CDH19: variants seen among roughly 807,000 people sequenced by gnomAD.
CDH19 encodes cadherin 19, also known as cadherin-19.
A neutral mutation model predicts 64.2 loss-of-function variants in CDH19; 67 were observed. That is an observed-to-expected ratio of 1.04 (90% confidence interval 0.86 to 1.28). CDH19 has a LOEUF of 1.28. Ranked by LOEUF, CDH19 falls within the 50% of genes most tolerant of loss-of-function variation. The probability of loss-of-function intolerance (pLI) is 0.00; values close to 1 mark genes in which losing one functional copy is unlikely to be tolerated. For synonymous variants in CDH19, 346 were observed against 319.3 expected, an observed-to-expected ratio of 1.08 and a Z score of -0.89; for missense variants, 1,030 against 929.0, an observed-to-expected ratio of 1.11 and a Z score of -1.41.
chr18:66,556,897 T>C (rs2144531377), intron 3 of CDH19, among the ~76,000 whole-genome samples: 1 of 151,930 alleles, frequency 6.6e-6, no homozygotes, highest in Middle Eastern at 3.4e-3. Context: ...ATGTCTATTA[T>C]TAAAAAGACA....
intron 9 of CDH19, among the ~76,000 whole-genome samples, chr18:66,529,108 A>G (rs1372675262): frequency 6.6e-6 from 1 of 152,056 alleles, no homozygotes; most frequent in African/African-American, 2.4e-5. Context: ...TGAGCAGCAG[A>G]TAAGAAAGTG....
intron 7 of CDH19, among the ~76,000 whole-genome samples, chr18:66,536,321 G>T (rs997837049): frequency 3.3e-5 from 5 of 151,648 alleles, no homozygotes; most frequent in Admixed American, 2.0e-4. Context: ...GGACTCAATA[G>T]AAATCACGAG....
intron 9 of CDH19, among the ~76,000 whole-genome samples, chr18:66,514,284 C>A (rs993890480): frequency 1.1e-4 from 17 of 150,876 alleles, no homozygotes; most frequent in African/African-American, 4.1e-4. Flanking sequence ...AAAATGATAC[C>A]GTAAAAGACA....
At chr18:66,534,717 G>C (rs1986590349) in intron 8 of CDH19, among the ~76,000 whole-genome samples, 1 of 151,690 alleles carries the variant, frequency 6.6e-6, no homozygotes, top group Non-Finnish European at 1.5e-5. Flanking sequence ...CAGAATTTCA[G>C]GTGAATTTCA....
At chr18:66,533,494 G>A (rs1986536724) in intron 8 of CDH19, among the ~76,000 whole-genome samples, 1 of 151,926 alleles carries the variant, frequency 6.6e-6, no homozygotes, top group African/African-American at 2.4e-5. Flanking sequence ...TGAATAAACT[G>A]ACAGAAAATT....
At chr18:66,564,633 AT>A (rs550110530) in intron 3 of CDH19, among the ~76,000 whole-genome samples, 12 of 151,908 alleles carry the variant, frequency 7.9e-5, no homozygotes, top group Non-Finnish European at 1.3e-4. Flanking sequence ...TTCCTTTTGC[AT>A]TTGCACATAC....
At chr18:66,573,551 A>G (rs191736916) in intron 1 of CDH19, among the ~76,000 whole-genome samples, 15 of 151,808 alleles carry the variant, frequency 9.9e-5, no homozygotes, top group Non-Finnish European at 2.2e-4. Flanking sequence ...TCTGCTCTTT[A>G]GAAATTGCTA....
At position 66,523,429 on chromosome 18, in the gene CDH19, G is replaced by T. The variant is rs999051313; in HGVS notation, c.1458+6416C>A. ...CCAGCTTCAGCCCTCCTTGGAGGAG[G>T]TGCAGCTGCAGCATACCCTATGGAA... On this transcript the variant is annotated intron_variant, in intron 9 of 11. Coordinates refer to ENST00000262150, the MANE Select transcript of CDH19 (RefSeq NM_021153.4). Among the ~76,000 whole-genome samples the T allele has an allele frequency of 9.2e-5, 14 of 152,098 alleles. 1 individual carries two copies. The highest frequency in any genetic ancestry group is 2.9e-4 in the African/African-American group (12 of 41,428).
At chr18:66,542,400 T>C (rs1052270365) in intron 7 of CDH19, among the ~76,000 whole-genome samples, 1 of 152,094 alleles carries the variant, frequency 6.6e-6, no homozygotes, top group African/African-American at 2.4e-5. Flanking sequence ...GGAAAATAGG[T>C]GAGTAAGGAA....
In CDH19 at chr18:66,590,128, G is replaced by T. The variant is rs144921646; in HGVS notation, c.-113+13826C>A. 2.6e-5 allele frequency among the ~76,000 whole-genome samples: 4 copies of T among 151,858 alleles called. No homozygotes were observed. The East Asian group carries it at 7.7e-4, about 29-fold the overall frequency. ...ACAGAAACACAGAATCATTTCAAAA[G>T]CTTGACAAAACAGATAATCCCACTC... is the stretch of plus-strand genomic sequence containing the variant. On this transcript the variant is annotated intron_variant, in intron 1 of 11. Coordinates refer to ENST00000262150, the MANE Select transcript of CDH19 (RefSeq NM_021153.4).
chr18:66,546,842 G>C (rs1189628940), intron 5 of CDH19, among the ~76,000 whole-genome samples: 1 of 151,772 alleles, frequency 6.6e-6, no homozygotes, highest in African/African-American at 2.4e-5. Flanking sequence ...TCTGGGAAAA[G>C]AGAGGATAAT....
chr18:66,595,658 T>C (rs1345917183), intron 1 of CDH19, among the ~76,000 whole-genome samples: 1 of 151,680 alleles, frequency 6.6e-6, no homozygotes, highest in Admixed American at 6.6e-5. Flanking sequence ...AGTTCCAAAA[T>C]TGAATCAGTA....
At chr18:66,510,243 T>C (rs1281402224) in intron 10 of CDH19, among the ~76,000 whole-genome samples, 4 of 151,676 alleles carry the variant, frequency 2.6e-5, no homozygotes, top group Non-Finnish European at 5.9e-5. Context: ...ATGAAACCCT[T>C]AAGGTCTATA....
At chr18:66,549,467 C>G (rs1987258398) in intron 5 of CDH19, among the ~76,000 whole-genome samples, 1 of 152,052 alleles carries the variant, frequency 6.6e-6, no homozygotes, top group East Asian at 1.9e-4. Context: ...GTGTTCTCCT[C>G]TTGCCTTCAG....
chr18:66,602,580 C>G (rs577274876), intron 1 of CDH19, among the ~76,000 whole-genome samples: 13 of 151,698 alleles, frequency 8.6e-5, no homozygotes, highest in Non-Finnish European at 1.6e-4. Flanking sequence ...TCTGTGTGTG[C>G]CTAAAATTAT....
chr18:66,505,107 C>T lies in CDH19; in HGVS notation c.2024G>A (p.Ser675Asn). Reference sequence around the variant, plus strand: ...CCTGTATAGGCTCCTGATCTCAGCGCTTGTGGTTTTCCGAGTCTTGCGTTC... The same window carrying T: ...CCTGTATAGGCTCCTGATCTCAGCGTTTGTGGTTTTCCGAGTCTTGCGTTC... The part of the protein sequence containing the change: ...MRERKTRKTT[S>N]AEIRSLYRQS... Residue 675 changes from serine to asparagine, a missense_variant, in exon 12 of 12, where the codon AGC becomes AAC. Ser to Asn is a conservative substitution (Grantham distance 46). Transcript: ENST00000262150. 6.2e-7 allele frequency: 1 copy of T among 1,613,556 alleles called. No homozygotes were observed. The highest frequency in any genetic ancestry group is 2.2e-5 in the East Asian group (1 of 44,854).
chr18:66,584,539 A>G (rs1052974019), intron 1 of CDH19, among the ~76,000 whole-genome samples: 1 of 152,102 alleles, frequency 6.6e-6, no homozygotes, highest in African/African-American at 2.4e-5. Flanking sequence ...AAATAATTCT[A>G]TCATAATGAC....
chr18:66,587,089 AT>A (rs1359177749), intron 1 of CDH19, among the ~76,000 whole-genome samples: 5 of 152,086 alleles, frequency 3.3e-5, no homozygotes, highest in African/African-American at 1.2e-4. Flanking sequence ...ATGACCTTCT[AT>A]TGCCTTCTTG....
chr18:66,551,339 T>C (rs949952920), intron 4 of CDH19, 81 bp from the exon 5 acceptor site: 2 of 788,316 alleles, frequency 2.5e-6, no homozygotes, highest in Non-Finnish European at 4.3e-6. Flanking sequence ...CATTGCAGTA[T>C]ACATTATTTT....
Sources: allele counts gnomAD v4.1 joint callset (sites outside exome capture counted in the v4.1 genomes callset), GRCh38; gene constraint gnomAD v4.1.1; transcripts MANE v1.5; gene names NCBI Gene and HGNC (gene_info 2026-07-23, HGNC 2026-07-21).